The following RAP1GDS1 variants were observed in gnomAD, a reference collection of about 807,000 sequenced individuals.
RAP1GDS1 encodes the protein RAP1, GTP-GDP dissociation stimulator 1.
Under a neutral mutation model 71.1 loss-of-function variants are expected in RAP1GDS1, and 35 were observed. That is an observed-to-expected ratio of 0.49 (90% CI 0.38 to 0.65). The LOEUF (loss-of-function observed/expected upper bound fraction) is 0.65, where lower values mean the gene tolerates loss of function less well. Ranked by LOEUF, RAP1GDS1 falls within the 30% of genes least tolerant of loss-of-function variation. RAP1GDS1 has a pLI of 0.00. For synonymous variants in RAP1GDS1, 229 were observed against 243.1 expected, an observed-to-expected ratio of 0.94 and a Z score of 0.54; for missense variants, 663 against 706.1, an observed-to-expected ratio of 0.94 and a Z score of 0.69.
At chr4:98,281,031 A>C (rs945955416) in intron 1 of RAP1GDS1, among the ~76,000 whole-genome samples, 59 of 152,164 alleles carry the variant, frequency 3.9e-4, no homozygotes, top group Non-Finnish European at 8.8e-5. Context: ...TATAGTTTGA[A>C]GTCAGGTAGC....
chr4:98,441,140 A>G (rs1751805529), intron 14 of RAP1GDS1, among the ~76,000 whole-genome samples: 1 of 152,142 alleles, frequency 6.6e-6, no homozygotes, highest in South Asian at 2.1e-4. Context: ...TTCCATATGA[A>G]TTTTAGGATG....
chr4:98,414,531 T>C (rs1455032278), intron 7 of RAP1GDS1, among the ~76,000 whole-genome samples: 1 of 150,924 alleles, frequency 6.6e-6, no homozygotes, highest in Non-Finnish European at 1.5e-5. Flanking sequence ...GTTGTAGATA[T>C]GCGGCATTAT....
intron 2 of RAP1GDS1, among the ~76,000 whole-genome samples, chr4:98,339,523 CTT>C (rs534543350): frequency 6.8e-6 from 1 of 147,948 alleles, no homozygotes; most frequent in Non-Finnish European, 1.5e-5. Context: ...AAGAGTCTAC[CTT>C]TTTTTTTTAA....
chr4:98,413,596 C>A (rs916158580), intron 7 of RAP1GDS1, among the ~76,000 whole-genome samples: 1 of 151,286 alleles, frequency 6.6e-6, no homozygotes, highest in Non-Finnish European at 1.5e-5. Context: ...ATATGTGCCA[C>A]ATTTTCTTAA....
chr4:98,311,958 A>G lies in RAP1GDS1; in HGVS notation c.112+18443A>G, dbSNP rs560685985. ...TTAGCTTCATTTTTATGTTCTTAAA[A>G]ACAATTAGGCAGGGGACAATGAAAT... On this transcript the variant is annotated intron_variant, in intron 2 of 14. Coordinates refer to ENST00000408927, the MANE Select transcript of RAP1GDS1 (RefSeq NM_001100427.2). 1.7e-4 allele frequency among the ~76,000 whole-genome samples: 26 copies of G among 152,298 alleles called. 2 individuals are homozygous for G. In the South Asian group the frequency reaches 5.4e-3, roughly 32 times the overall value.
chr4:98,268,323 A>G (rs1036285445), intron 1 of RAP1GDS1, among the ~76,000 whole-genome samples: 1 of 152,186 alleles, frequency 6.6e-6, no homozygotes, highest in East Asian at 1.9e-4. Flanking sequence ...ATGCCTAAAC[A>G]TAGTAAAGGT....
intron 1 of RAP1GDS1, among the ~76,000 whole-genome samples, chr4:98,280,419 G>A (rs1470279558): frequency 1.3e-5 from 2 of 152,254 alleles, no homozygotes; most frequent in Admixed American, 6.5e-5. Context: ...TTTGAGAAGT[G>A]TCTGTTCATA....
At chr4:98,361,335 A>G (rs1738720677) in intron 4 of RAP1GDS1, among the ~76,000 whole-genome samples, 1 of 152,088 alleles carries the variant, frequency 6.6e-6, no homozygotes, top group African/African-American at 2.4e-5. Flanking sequence ...TTGGAGTAAT[A>G]AATTGGAACA....
chr4:98,330,527 C>T (rs1489433929), intron 2 of RAP1GDS1, among the ~76,000 whole-genome samples: 5 of 142,980 alleles, frequency 3.5e-5, no homozygotes, highest in South Asian at 2.3e-4. Flanking sequence ...CGGGTAAAGG[C>T]GCTCCTCACC....
At chr4:98,300,587 G>A (rs1197874743) in intron 2 of RAP1GDS1, among the ~76,000 whole-genome samples, 2 of 151,982 alleles carry the variant, frequency 1.3e-5, no homozygotes, top group Non-Finnish European at 2.9e-5. Context: ...TTTTAGTAGA[G>A]ATGGTGTTTC....
chr4:98,383,174 T>C (rs2110111470), intron 5 of RAP1GDS1, among the ~76,000 whole-genome samples: 2 of 151,782 alleles, frequency 1.3e-5, no homozygotes, highest in South Asian at 4.1e-4. Flanking sequence ...TAACTTTTTC[T>C]CCTAGTATTG....
At chr4:98,378,450 CCATTA>C (rs1456049585) in intron 4 of RAP1GDS1, among the ~76,000 whole-genome samples, 3 of 151,762 alleles carry the variant, frequency 2.0e-5, no homozygotes. Flanking sequence ...ATAGGAAATG[CCATTA>C]ACAAAGACCA....
intron 4 of RAP1GDS1, among the ~76,000 whole-genome samples, chr4:98,364,651 A>G (rs1739208782): frequency 6.6e-6 from 1 of 152,160 alleles, no homozygotes; most frequent in African/African-American, 2.4e-5. Flanking sequence ...CCTAATTGAA[A>G]GAACATAGAG....
intron 4 of RAP1GDS1, among the ~76,000 whole-genome samples, chr4:98,362,195 A>G (rs1045672450): frequency 5.3e-5 from 8 of 152,300 alleles, no homozygotes; most frequent in South Asian, 2.1e-4. Context: ...AAAACAATGT[A>G]GGGTCTGCAT....
rs201769363 is a variant in RAP1GDS1, at chr4:98,442,173, C to A, written c.*56C>A. ...TCTAATTTCCCCTCTGTCCTCCATC[C>A]AGCGGCTTCTTCCGCTTCATTCTCT... On this transcript the variant is annotated 3_prime_UTR_variant, in exon 15 of 15. Coordinates refer to ENST00000408927, the MANE Select transcript of RAP1GDS1 (RefSeq NM_001100427.2). The A allele has an allele frequency of 1.6e-5, 26 of 1,589,758 alleles. No individual in the cohort carries two copies. The highest frequency in any genetic ancestry group is 2.1e-5 in the Non-Finnish European group (25 of 1,170,746).
chr4:98,352,326 C>T, intron 3 of RAP1GDS1, 150 bp from the exon 4 acceptor site: 1 of 749,148 alleles, frequency 1.3e-6, no homozygotes, highest in Non-Finnish European at 2.1e-6. Flanking sequence ...TACTTTTGTA[C>T]AGAAATGTAC....
At chr4:98,283,817 A>ATTTTTTTTTTTTTTTTTTT (rs10582639) in intron 1 of RAP1GDS1, among the ~76,000 whole-genome samples, 2 of 133,966 alleles carry the variant, frequency 1.5e-5, no homozygotes, top group Non-Finnish European at 1.6e-5. Context: ...TTTCATTGTG[A>ATTTTTTTTTTTTTTTTTTT]TTTTTTTTTT....
chr4:98,288,582 T>C (rs1726410951), intron 1 of RAP1GDS1, among the ~76,000 whole-genome samples: 1 of 152,202 alleles, frequency 6.6e-6, no homozygotes, highest in South Asian at 2.1e-4. Context: ...GTATTTCTAG[T>C]TCTAGATCCC....
intron 12 of RAP1GDS1, among the ~76,000 whole-genome samples, chr4:98,425,630 A>C (rs1031436804): frequency 2.0e-5 from 3 of 152,190 alleles, no homozygotes; most frequent in Non-Finnish European, 2.9e-5. Flanking sequence ...AAAAAGACAG[A>C]GGGACATTAT....
Sources: allele counts gnomAD v4.1 joint callset (sites outside exome capture counted in the v4.1 genomes callset), GRCh38; gene constraint gnomAD v4.1.1; transcripts MANE v1.5; gene names NCBI Gene and HGNC (gene_info 2026-07-23, HGNC 2026-07-21).